The following SWAP70 variants were observed in gnomAD, a reference collection of about 807,000 sequenced individuals.
SWAP70 encodes switch-associated protein 70.
Under a neutral mutation model 80.2 loss-of-function variants are expected in SWAP70, and 34 were observed. The observed-to-expected ratio is 0.42, with a 90% CI of 0.32 to 0.56. The LOEUF is 0.56. Ranked by LOEUF, SWAP70 falls within the 20% of genes least tolerant of loss-of-function variation. The pLI is 0.09. For synonymous variants in SWAP70, 239 were observed against 238.5 expected (o/e 1.00, Z -0.02); for missense variants, 578 against 690.7 (o/e 0.84, Z 1.83).
chr11:9,672,553 T>TTTC (rs1850432737), intron 1 of SWAP70, among the ~76,000 whole-genome samples: 1 of 145,900 alleles, frequency 6.9e-6, no homozygotes. Flanking sequence ...TTTTTTTTTT[T>TTTC]TGTAGAGACA....
intron 4 of SWAP70, 194 bp downstream of exon 4, chr11:9,725,079 A>G: frequency 1.8e-6 from 1 of 542,986 alleles, no homozygotes; most frequent in Non-Finnish European, 3.2e-6. Context: ...GGCTTACTGC[A>G]ACCTCCATCT....
chr11:9,705,432 A>G (rs878939060), intron 2 of SWAP70, among the ~76,000 whole-genome samples: 6 of 120,050 alleles, frequency 5.0e-5, no homozygotes, highest in African/African-American at 1.6e-4. Context: ...TGATCTGTAT[A>G]CACTGGTGAT....
intron 1 of SWAP70, among the ~76,000 whole-genome samples, chr11:9,689,454 T>C (rs1243787436): frequency 6.6e-6 from 1 of 152,234 alleles, no homozygotes; most frequent in African/African-American, 2.4e-5. Context: ...GGATCTGTTA[T>C]TGTGGTAACA....
At position 9,733,926 on chromosome 11, in the gene SWAP70, C is replaced by G. The variant is rs1018126925; in HGVS notation, c.1080+1216C>G. Among the ~76,000 whole-genome samples the G allele has an allele frequency of 3.3e-5, 5 of 152,276 alleles. No homozygotes were observed. In the East Asian group the frequency reaches 9.6e-4, roughly 29 times the overall value. ...CATACAGTGAATACCCATGAAAATA[C>G]TACCCAGGTTAAGATAGATTATTGC... On this transcript the variant is annotated intron_variant, in intron 7 of 11. Transcript: ENST00000318950.
chr11:9,694,926 A>G (rs1191830140), intron 2 of SWAP70, among the ~76,000 whole-genome samples: 1 of 152,202 alleles, frequency 6.6e-6, no homozygotes, highest in Non-Finnish European at 1.5e-5. Flanking sequence ...TACAACCAGA[A>G]ATACCATTTG....
chr11:9,678,806 G>A (rs984174433), intron 1 of SWAP70, among the ~76,000 whole-genome samples: 12 of 151,868 alleles, frequency 7.9e-5, no homozygotes, highest in Admixed American at 2.0e-4. Flanking sequence ...AGTCCCATCA[G>A]TGGTGATTAT....
At chr11:9,736,362 G>A (rs1232962824) in intron 7 of SWAP70, among the ~76,000 whole-genome samples, 1 of 151,064 alleles carries the variant, frequency 6.6e-6, no homozygotes, top group Non-Finnish European at 1.5e-5. Context: ...CTCTTCAAAG[G>A]CAGTTTCCGT....
chr11:9,700,734 A>G (rs1428945809), intron 2 of SWAP70, among the ~76,000 whole-genome samples: 1 of 152,156 alleles, frequency 6.6e-6, no homozygotes, highest in Non-Finnish European at 1.5e-5. Flanking sequence ...TTTTTTTCCA[A>G]TGTCTCATAT....
intron 2 of SWAP70, among the ~76,000 whole-genome samples, chr11:9,696,907 C>G (rs576681446): frequency 1.3e-5 from 2 of 152,060 alleles, no homozygotes; most frequent in African/African-American, 2.4e-5. Flanking sequence ...ATAATACTTT[C>G]GAATTAAAAG....
intron 2 of SWAP70, among the ~76,000 whole-genome samples, chr11:9,712,723 G>A (rs1851013882): frequency 6.7e-6 from 1 of 148,168 alleles, no homozygotes; most frequent in Admixed American, 6.8e-5. Context: ...CCCAAAAGAA[G>A]GTATCTTCTT....
chr11:9,689,707 G>A (rs1045934497), intron 1 of SWAP70, among the ~76,000 whole-genome samples: 2 of 152,212 alleles, frequency 1.3e-5, no homozygotes, highest in Non-Finnish European at 2.9e-5. Context: ...TGGAGAAGGG[G>A]TTAGTGCCTC....
At chr11:9,731,633 A>G (rs1404978792) in intron 6 of SWAP70, among the ~76,000 whole-genome samples, 3 of 152,180 alleles carry the variant, frequency 2.0e-5, no homozygotes, top group African/African-American at 7.2e-5. Flanking sequence ...TACTTTATGT[A>G]TTGCTACTGG....
chr11:9,721,418 A>G (rs1471861118), intron 3 of SWAP70, among the ~76,000 whole-genome samples: 1 of 151,794 alleles, frequency 6.6e-6, no homozygotes, highest in Admixed American at 6.6e-5. Flanking sequence ...AAGAGCTTAT[A>G]GCATCTCATC....
intron 1 of SWAP70, among the ~76,000 whole-genome samples, chr11:9,675,576 A>G (rs532292225): frequency 1.6e-4 from 25 of 151,772 alleles, no homozygotes; most frequent in Admixed American, 3.9e-4. Flanking sequence ...TATATATATT[A>G]TATATATTTA....
chr11:9,699,324 T>TA (rs763197198), intron 2 of SWAP70, among the ~76,000 whole-genome samples: 99 of 152,118 alleles, frequency 6.5e-4, no homozygotes, highest in Admixed American at 1.4e-3. Context: ...TATATCTCAA[T>TA]AAAAAATAAT....
At chr11:9,716,261 AG>A (rs1433861893) in intron 3 of SWAP70, among the ~76,000 whole-genome samples, 1 of 152,178 alleles carries the variant, frequency 6.6e-6, no homozygotes, top group African/African-American at 2.4e-5. Flanking sequence ...AGTTGAGAGA[AG>A]CTAAGTGGCA....
In SWAP70 at chr11:9,694,108, TA is replaced by T. The variant is rs766935886; in HGVS notation, c.100-37del. 5.1e-6 allele frequency: 8 copies of T among 1,561,188 alleles called. No individual in the cohort carries two copies. The Admixed American group carries it at 1.3e-4, about 26-fold the overall frequency. ...CATGGTGAAGGTGTCATGTGCTGGT[TA>T]GTGGGAGTCTTTAAACGATTTTCTT... On this transcript the variant is annotated intron_variant, in intron 1 of 11. Transcript: ENST00000318950.
At chr11:9,692,470 C>A (rs1006985908) in intron 1 of SWAP70, among the ~76,000 whole-genome samples, 78 of 151,432 alleles carry the variant, frequency 5.2e-4, no homozygotes, top group Non-Finnish European at 9.7e-4. Flanking sequence ...GTTTTTTTCA[C>A]TTAATTTATG....
At position 9,664,215 on chromosome 11, in the gene SWAP70, C is replaced by T. The variant is rs1236815132; in HGVS notation, c.36C>T (p.Ile12=). Residue 12 remains isoleucine (I), a synonymous_variant, in exon 1 of 12, where the codon ATC becomes ATT. Coordinates refer to ENST00000318950, the MANE Select transcript of SWAP70 (RefSeq NM_015055.4). Reference sequence around the variant, plus strand: ...TGAAGGAGGAGCTGCTCAAAGCCATCTGGCACGCCTTCACCGCACTCGACC... The same window carrying T: ...TGAAGGAGGAGCTGCTCAAAGCCATTTGGCACGCCTTCACCGCACTCGACC... The part of the protein sequence containing the change: ...GSLKEELLKA[I]WHAFTALDQD... The T allele has an allele frequency of 6.3e-7, 1 of 1,593,388 alleles. No homozygotes were observed. Among genetic ancestry groups the T allele is most frequent in the East Asian group, 2.3e-5 (1 of 43,520 alleles).
Sources: gnomAD v4.1 joint callset for allele counts (sites outside exome capture counted in the v4.1 genomes callset) on GRCh38, gnomAD v4.1.1 for gene constraint, MANE v1.5 for transcripts, NCBI Gene and HGNC (gene_info 2026-07-23, HGNC 2026-07-21) for gene names.